ZNF534: variants seen among roughly 807,000 people sequenced by gnomAD.
ZNF534 encodes the protein KRAB domain only 3.
ZNF534 carries 19 observed loss-of-function variants against 13.6 expected under a neutral mutation model. That is an observed-to-expected ratio of 1.40 (90% CI 0.97 to 2.05). The LOEUF (loss-of-function observed/expected upper bound fraction) is 2.05. Among genes scored for constraint, ZNF534 ranks in the 30% most tolerant of loss-of-function variants. The pLI is 0.00. For synonymous variants in ZNF534, 244 were observed against 273.8 expected (o/e 0.89, Z 1.07); for missense variants, 782 against 796.3 (o/e 0.98, Z 0.22).
At chr19:52,451,365 G>A in exon 5 of ZNF534, 1 of 984,812 alleles carries the variant, frequency 1.0e-6, no homozygotes, top group Non-Finnish European at 1.6e-6. Flanking sequence ...CAAAACGCGC[G>A]AGGCTCACGG....
In ZNF534 at chr19:52,434,068, C is replaced by A; in HGVS notation, c.129C>A (p.Asn43Lys). The change falls in exon 3 of 5, where the codon AAC (asparagine) becomes AAA (lysine). Residue 43 changes from asparagine to lysine, a missense_variant. Physicochemically the swap from Asn to Lys is moderately conservative, Grantham distance 94. Coordinates refer to ENST00000433050, the MANE Select transcript of ZNF534 (RefSeq NM_001143938.3). ...ACGTGATGTTAGAGAACTACAGGAA[C>A]CTGGTCTCCCTAGGTGAGGATAATG... ...YRDVMLENYR[N>K]LVSLGICLPD... 6.2e-7 allele frequency: 1 copy of A among 1,614,016 alleles called. No individual in the cohort carries two copies. Among genetic ancestry groups the A allele is most frequent in the Non-Finnish European group, 8.5e-7 (1 of 1,179,978 alleles).
In ZNF534 at chr19:52,438,495, G is replaced by A; in HGVS notation, c.1035G>A (p.Gln345=). 1 of 1,590,788 alleles carries A rather than the reference G, an allele frequency of 6.3e-7. No individual in the cohort carries two copies. Among genetic ancestry groups the A allele is most frequent in the South Asian group, 1.1e-5 (1 of 88,768 alleles). The change falls in exon 5 of 5, where the codon CAG becomes CAA. Residue 345 remains glutamine (Q), a synonymous_variant. Coordinates refer to ENST00000433050, the MANE Select transcript of ZNF534 (RefSeq NM_001143938.3). The stretch of plus-strand genomic sequence containing the variant: ...ATAAGTCTTCCCTAACCACTCATCA[G>A]ACAGTTCATACTGGAGAGAGACCAT... ...FRHKSSLTTH[Q]TVHTGERPYK...
intron 2 of ZNF534, among the ~76,000 whole-genome samples, chr19:52,433,257 A>AG (rs1445978156): frequency 6.6e-6 from 1 of 151,242 alleles, no homozygotes; most frequent in African/African-American, 2.4e-5. Context: ...AAAAAAAAAA[A>AG]AAAGAAAGAA....
rs1048235512 is a variant in ZNF534, at chr19:52,441,024, C to G, written c.*1578C>G. ...TCAAGCAATTCTCCTGCCTCTACCT[C>G]CCGAGTAGCTAGGACTACAAGCACA... On this transcript the variant is annotated 3_prime_UTR_variant, in exon 5 of 5. Transcript: ENST00000433050. Among the ~76,000 whole-genome samples, 2 of 152,018 alleles carry G rather than the reference C, an allele frequency of 1.3e-5. No individual in the cohort carries two copies. The highest frequency in any genetic ancestry group is 2.9e-5 in the Non-Finnish European group (2 of 68,026).
downstream of ZNF534, among the ~76,000 whole-genome samples, chr19:52,445,238 C>G (rs1246638054): frequency 1.3e-5 from 2 of 151,322 alleles, no homozygotes; most frequent in Non-Finnish European, 2.9e-5. Flanking sequence ...GCTCTGTCAC[C>G]CAGGCTGGAG....
chr19:52,451,605 C>G (rs960920016), exon 5 of ZNF534: 16 of 638,758 alleles, frequency 2.5e-5, no homozygotes, highest in Non-Finnish European at 4.5e-5. Context: ...CTGTACAGTG[C>G]CTGTGATTAC....
intron 2 of ZNF534, among the ~76,000 whole-genome samples, chr19:52,432,057 A>T (rs193022060): frequency 2.8e-4 from 43 of 150,980 alleles, no homozygotes; most frequent in Admixed American, 2.4e-3. Flanking sequence ...TGTCATCATT[A>T]TATATATATA....
At chr19:52,446,319 A>T (rs1194858544), downstream of ZNF534, among the ~76,000 whole-genome samples, 1 of 152,136 alleles carries the variant, frequency 6.6e-6, no homozygotes, top group African/African-American at 2.4e-5. Flanking sequence ...CCACCAGAGG[A>T]TATTACAGGG....
intron 4 of ZNF534, among the ~76,000 whole-genome samples, chr19:52,449,207 A>G (rs541844387): frequency 8.7e-4 from 133 of 152,368 alleles, no homozygotes; most frequent in South Asian, 1.7e-3. Flanking sequence ...AAGGATGAAC[A>G]GTATACCATT....
chr19:52,443,771 C>G (rs1479662976), downstream of ZNF534, among the ~76,000 whole-genome samples: 2 of 151,724 alleles, frequency 1.3e-5, no homozygotes, highest in African/African-American at 2.4e-5. Context: ...AAAAAAATCA[C>G]CTTGTCTTTG....
rs1432670866 is a variant in ZNF534, at chr19:52,434,367, A to C, written c.142+286A>C. Among the ~76,000 whole-genome samples, 6 of 148,462 alleles carry C rather than the reference A, an allele frequency of 4.0e-5. No individual in the cohort carries two copies. The South Asian group carries it at 6.4e-4, about 16-fold the overall frequency. On this transcript the variant is annotated intron_variant, in intron 3 of 4. Coordinates refer to ENST00000433050, the MANE Select transcript of ZNF534 (RefSeq NM_001143938.3). ...GTAGTCCCAGCTACTCGGGAGGCTG[A>C]GACAGGAGAATGGCGTGAACCCGGG...
At chr19:52,431,334 CT>C in intron 1 of ZNF534, 73 bp from the exon 2 acceptor site, 1 of 1,143,524 alleles carries the variant, frequency 8.7e-7, no homozygotes, top group Admixed American at 2.1e-5. Context: ...GAAGTCTTCC[CT>C]TTTTGTGTGG....
chr19:52,435,312 C>T (rs2059121980), intron 4 of ZNF534, 103 bp downstream of exon 4: 4 of 1,326,666 alleles, frequency 3.0e-6, no homozygotes, highest in Admixed American at 2.8e-5. Flanking sequence ...TCATAGCTCA[C>T]AGCAGCCTTA....
rs1234804952 is a variant in ZNF534 at position 52,439,854 on chromosome 19, A to G, written c.*408A>G. Among the ~76,000 whole-genome samples, 1 of 152,102 alleles carries G rather than the reference A, an allele frequency of 6.6e-6. No homozygotes were observed. The highest frequency in any genetic ancestry group is 2.4e-5 in the African/African-American group (1 of 41,412). On this transcript the variant is annotated 3_prime_UTR_variant, in exon 5 of 5. Transcript: ENST00000433050. ...GAGGCCAAGGTGGCCAGATCACCTG[A>G]GGTTAGAAGTTCGAGACCAGCCTGA...
chr19:52,451,972 G>T (rs2059219218), exon 5 of ZNF534: 1 of 342,002 alleles, frequency 2.9e-6, no homozygotes, highest in East Asian at 7.1e-5. Context: ...AAAACGAGAA[G>T]TCATACCTTT....
Position 52,441,303 on chromosome 19 carries a change from C to T in ZNF534, c.*1857C>T, listed in dbSNP as rs546822523. Among the ~76,000 whole-genome samples, 2 of 152,120 alleles carry T rather than the reference C, an allele frequency of 1.3e-5. No homozygotes were observed. The highest frequency in any genetic ancestry group is 2.9e-5 in the Non-Finnish European group (2 of 68,010). ...GCCAAGGTGAGAGGATTGCTTGAAC[C>T]CAGGAGTTTGAGACCAACCTGGGTA... On this transcript the variant is annotated 3_prime_UTR_variant, in exon 5 of 5. Coordinates refer to ENST00000433050, the MANE Select transcript of ZNF534 (RefSeq NM_001143938.3).
chr19:52,444,574 G>A (rs989545357), downstream of ZNF534, among the ~76,000 whole-genome samples: 9 of 152,156 alleles, frequency 5.9e-5, no homozygotes, highest in Admixed American at 3.3e-4. Context: ...AAGAGTATAT[G>A]CCCTTTGTCT....
chr19:52,433,236 C>CAAAAAAAAAAA (rs1171627054), intron 2 of ZNF534, among the ~76,000 whole-genome samples: 1 of 64,616 alleles, frequency 1.5e-5, no homozygotes, highest in African/African-American at 5.9e-5. Flanking sequence ...GATCCTATCT[C>CAAAAAAAAAAA]AAAAAAAAAA....
Position 52,436,604 on chromosome 19 carries a change from A to T in ZNF534, c.272-1128A>T, listed in dbSNP as rs1599863358. On this transcript the variant is annotated intron_variant, in intron 4 of 4. Transcript: ENST00000433050. ...TGTTCCACCTTATAGTCTCTCAAAAATGTATTAGGGTTTGTAAGGTTTTCT... is the reference window on the plus strand; with the variant it reads ...TGTTCCACCTTATAGTCTCTCAAAATTGTATTAGGGTTTGTAAGGTTTTCT... Among the ~76,000 whole-genome samples the T allele has an allele frequency of 2.6e-5, 4 of 152,140 alleles. 1 individual carries two copies. In the South Asian group the frequency reaches 8.3e-4, roughly 32 times the overall value.
Sources: gnomAD v4.1 joint callset for allele counts (sites outside exome capture counted in the v4.1 genomes callset) on GRCh38, gnomAD v4.1.1 for gene constraint, MANE v1.5 for transcripts, NCBI Gene and HGNC (gene_info 2026-07-23, HGNC 2026-07-21) for gene names.